HDAC4: variants seen among roughly 807,000 people sequenced by gnomAD.
HDAC4 encodes the protein histone deacetylase 4, also known as histone deacetylase A.
A neutral mutation model predicts 135.1 loss-of-function variants in HDAC4; 16 were observed. That is an observed-to-expected ratio of 0.12 (90% CI 0.08 to 0.18). HDAC4 has a LOEUF of 0.18. Ranked by LOEUF, HDAC4 falls within the 10% of genes least tolerant of loss-of-function variation. The probability of loss-of-function intolerance (pLI) is 1.00; values close to 1 mark genes in which losing one functional copy is unlikely to be tolerated. For missense variants in HDAC4, 1,143 were observed against 1,511.8 expected (o/e 0.76, Z 4.05); for synonymous variants, 685 against 653.4 (o/e 1.05, Z -0.74).
chr2:239,220,825 A>T (rs916112937), intron 3 of HDAC4, among the ~76,000 whole-genome samples: 3 of 152,226 alleles, frequency 2.0e-5, no homozygotes, highest in African/African-American at 7.2e-5. Context: ...AATATTGTGA[A>T]TTTAAAAGAT....
chr2:239,061,386 TGTGTGTGGTGTGTGCATGCACAAGAGG>T (rs1463867801), intron 24 of HDAC4, among the ~76,000 whole-genome samples: 18 of 148,564 alleles, frequency 1.2e-4, no homozygotes, highest in Admixed American at 4.0e-4. Flanking sequence ...TGGGTGTGCG[TGTGTGTGGTGTGTGCATGCACAAGAGG>T]GTGTGTGGTG....
intron 4 of HDAC4, among the ~76,000 whole-genome samples, chr2:239,185,660 C>A (rs1004131099): frequency 6.6e-6 from 1 of 152,126 alleles, no homozygotes; most frequent in South Asian, 2.1e-4. Flanking sequence ...GGCTTCGTGG[C>A]CTGTCCTTGG....
At chr2:239,194,473 G>C (rs530691495) in intron 3 of HDAC4, among the ~76,000 whole-genome samples, 1 of 152,158 alleles carries the variant, frequency 6.6e-6, no homozygotes, top group Non-Finnish European at 1.5e-5. Context: ...GCTCCTGCCC[G>C]CCTCACAGGC....
intron 11 of HDAC4, 61 bp downstream of exon 11, chr2:239,134,184 G>T: frequency 7.2e-7 from 1 of 1,391,668 alleles, no homozygotes; most frequent in South Asian, 1.2e-5. Flanking sequence ...CGAAGGCGGG[G>T]CACCATCCAG....
At chr2:239,395,675 C>G (rs906168144) in intron 1 of HDAC4, among the ~76,000 whole-genome samples, 1 of 152,146 alleles carries the variant, frequency 6.6e-6, no homozygotes, top group Admixed American at 6.5e-5. Context: ...CCAGGAGTGG[C>G]CCGGGGACTG....
At chr2:239,093,897 CA>C in intron 17 of HDAC4, 1 of 970,198 alleles carries the variant, frequency 1.0e-6, no homozygotes, top group Non-Finnish European at 1.2e-6. Context: ...AGCCTATTTA[CA>C]ATACAAAATA....
rs1166241115 is a variant in HDAC4, at chr2:239,203,349, G to A, written c.95-13272C>T. 2.6e-5 allele frequency among the ~76,000 whole-genome samples: 4 copies of A among 152,188 alleles called. No homozygotes were observed. In the South Asian group the frequency reaches 6.2e-4, roughly 24 times the overall value. The stretch of plus-strand genomic sequence containing the variant: ...CAAAATCAGTGTCAGCTTCACACAC[G>A]AGTCAAGGATAAAAATACGTTTGAC... On this transcript the variant is annotated intron_variant, in intron 3 of 26. Transcript: ENST00000543185.
At position 239,281,581 on chromosome 2, in the gene HDAC4, CCA is replaced by C. The variant is rs1371710729; in HGVS notation, c.23-44919_23-44918del. On this transcript the variant is annotated intron_variant, in intron 2 of 26. Coordinates refer to ENST00000543185, the MANE Select transcript of HDAC4 (RefSeq NM_001378414.1). ...TACACACCACTCTACAATGTACACACCACTCTCCACACAATGTACACACCACT... is the reference window on the plus strand; with the variant it reads ...TACACACCACTCTACAATGTACACACCTCTCCACACAATGTACACACCACT... Among the ~76,000 whole-genome samples the C allele has an allele frequency of 2.3e-4, 35 of 150,890 alleles. 1 individual carries two copies. The highest frequency in any genetic ancestry group is 6.9e-3 in the Middle Eastern group (2 of 290).
chr2:239,148,441 G>C (rs6717473), intron 7 of HDAC4, among the ~76,000 whole-genome samples: 12,327 of 152,180 alleles, frequency 0.081, 1,696 homozygotes, highest in African/African-American at 0.28. Flanking sequence ...TCCAGCTGAA[G>C]AGGAGCTGGA....
rs543098883 is a variant in HDAC4 at position 239,155,824 on chromosome 2, T to C, written c.733+828A>G. Reference sequence around the variant, plus strand: ...ATTTCCCACACTGTCTTGCAGTTTGTAGGATCCACTGGCCACATCTGGGAT... The same window carrying C: ...ATTTCCCACACTGTCTTGCAGTTTGCAGGATCCACTGGCCACATCTGGGAT... On this transcript the variant is annotated intron_variant, in intron 7 of 26. Transcript: ENST00000543185. Among the ~76,000 whole-genome samples the C allele has an allele frequency of 1.1e-4, 16 of 152,320 alleles. No individual in the cohort carries two copies. The South Asian group carries it at 3.1e-3, about 30-fold the overall frequency.
chr2:239,153,850 G>A (rs1304928062), intron 7 of HDAC4, among the ~76,000 whole-genome samples: 2 of 152,220 alleles, frequency 1.3e-5, no homozygotes, highest in Non-Finnish European at 2.9e-5. Flanking sequence ...CAACAGCCAC[G>A]GAATCTACGA....
chr2:239,144,825 A>T, intron 7 of HDAC4, 111 bp from the exon 8 acceptor site: 1 of 1,168,262 alleles, frequency 8.6e-7, no homozygotes, highest in Non-Finnish European at 1.3e-6. Context: ...TTTGCTCAAC[A>T]CTGCTGTGTT....
chr2:239,086,926 C>T (rs867426259), intron 19 of HDAC4, among the ~76,000 whole-genome samples: 3 of 152,138 alleles, frequency 2.0e-5, no homozygotes, highest in African/African-American at 7.2e-5. Context: ...TGCTCTTTGA[C>T]GGGATAGATC....
intron 20 of HDAC4, among the ~76,000 whole-genome samples, 181 bp downstream of exon 20, chr2:239,083,974 G>A (rs1485080832): frequency 3.9e-5 from 6 of 152,202 alleles, no homozygotes; most frequent in Non-Finnish European, 5.9e-5. Flanking sequence ...GTCGGCTGAC[G>A]GAAGCTGTAC....
chr2:239,189,860 G>A lies in HDAC4; in HGVS notation c.312C>T (p.His104=), dbSNP rs6740794. The A allele has an allele frequency of 8.8e-3, 14,148 of 1,608,918 alleles. 971 individuals are homozygous for A. The African/African-American group carries it at 0.16, about 18-fold the overall frequency. Residue 104 remains histidine, a synonymous_variant, in exon 4 of 27, where the codon CAC becomes CAT. Coordinates refer to ENST00000543185, the MANE Select transcript of HDAC4 (RefSeq NM_001378414.1). The part of the protein sequence containing the change: ...QRQHEQLSRQ[H]EAQLHEHIKQ... ...TGATGTGCTCGTGGAGCTGCGCCTC[G>A]TGCTGCCGGGAGAGCTGCTCGTGCT...
At chr2:239,260,689 T>C (rs572406878) in intron 2 of HDAC4, among the ~76,000 whole-genome samples, 2 of 151,796 alleles carry the variant, frequency 1.3e-5, no homozygotes, top group East Asian at 3.9e-4. Context: ...GCCTGCAAGG[T>C]TGGATGTGAG....
At chr2:239,181,440 G>A (rs2044143948) in intron 4 of HDAC4, among the ~76,000 whole-genome samples, 1 of 152,370 alleles carries the variant, frequency 6.6e-6, no homozygotes, top group Admixed American at 6.5e-5. Context: ...CCCGGCAGCA[G>A]CGTGTGCGCA....
chr2:239,164,898 G>A (rs2043033088), intron 5 of HDAC4, among the ~76,000 whole-genome samples: 2 of 152,036 alleles, frequency 1.3e-5, no homozygotes, highest in Non-Finnish European at 2.9e-5. Context: ...TCTAACCCTC[G>A]GCACATCTTG....
chr2:239,265,236 G>GA (rs1350846207), intron 2 of HDAC4, among the ~76,000 whole-genome samples: 1 of 152,180 alleles, frequency 6.6e-6, no homozygotes, highest in Non-Finnish European at 1.5e-5. Context: ...GCACACTCAG[G>GA]AAAAATCACA....
Sources: allele counts gnomAD v4.1 joint callset (sites outside exome capture counted in the v4.1 genomes callset), GRCh38; gene constraint gnomAD v4.1.1; transcripts MANE v1.5; gene names NCBI Gene and HGNC (gene_info 2026-07-23, HGNC 2026-07-21).